Variants in VSTM5 observed in about 807,000 individuals in gnomAD.
The protein encoded by VSTM5 is V-set and transmembrane domain containing 5.
Under a neutral mutation model 20.3 loss-of-function variants are expected in VSTM5, and 21 were observed. The ratio of observed to expected loss-of-function variants is 1.03; its 90% CI spans 0.73 to 1.49. The LOEUF is 1.49. Ranked by LOEUF, VSTM5 falls within the 40% of genes most tolerant of loss-of-function variation. The pLI is 0.00. For synonymous variants in VSTM5, 100 were observed against 102.5 expected (o/e 0.98, Z 0.14); for missense variants, 219 against 250.0 (o/e 0.88, Z 0.84).
chr11:93,844,412 C>T (rs1016198258), intron 1 of VSTM5, among the ~76,000 whole-genome samples: 2 of 152,068 alleles, frequency 1.3e-5, no homozygotes, highest in Admixed American at 6.5e-5. Flanking sequence ...GGACCCACAT[C>T]GCCCTTCTCC....
chr11:93,820,521 G>A lies in VSTM5; in HGVS notation c.*48C>T. 6.5e-7 allele frequency: 1 copy of A among 1,547,962 alleles called. No individual in the cohort carries two copies. Among genetic ancestry groups the A allele is most frequent in the Non-Finnish European group, 8.7e-7 (1 of 1,144,296 alleles). ...ATAGCTGTGCTTGCTCTTTTTGTTG[G>A]AGAATGGTTTCCTCTTGAGGTAGGA... On this transcript the variant is annotated 3_prime_UTR_variant, in exon 4 of 4. Transcript: ENST00000409977.
chr11:93,832,312 A>T (rs1371854462), intron 1 of VSTM5, among the ~76,000 whole-genome samples: 3 of 152,274 alleles, frequency 2.0e-5, no homozygotes, highest in Non-Finnish European at 4.4e-5. Flanking sequence ...CAGTGTATAG[A>T]GAATGATTCC....
At chr11:93,846,764 T>A (rs1701901) in intron 1 of VSTM5, among the ~76,000 whole-genome samples, 4 of 101,604 alleles carry the variant, frequency 3.9e-5, no homozygotes, top group South Asian at 3.8e-4. Context: ...AAATTTTTTT[T>A]AATTTTTTTT....
chr11:93,842,832 C>T (rs1407897686), intron 1 of VSTM5, among the ~76,000 whole-genome samples: 4 of 152,154 alleles, frequency 2.6e-5, no homozygotes, highest in African/African-American at 7.2e-5. Context: ...CCGGGGACAG[C>T]GGCTCATGCC....
chr11:93,821,982 AT>A (rs1201012972), intron 1 of VSTM5: 1 of 152,302 alleles, frequency 6.6e-6, no homozygotes, highest in Non-Finnish European at 1.5e-5. Context: ...GGTTTGAAAA[AT>A]TAGGTACATC....
intron 1 of VSTM5, among the ~76,000 whole-genome samples, chr11:93,832,784 A>T (rs553692530): frequency 2.6e-5 from 4 of 152,208 alleles, no homozygotes; most frequent in Non-Finnish European, 5.9e-5. Context: ...AGGCTCAGAG[A>T]CGTAAGTGTC....
rs373964438 is a variant in VSTM5, at chr11:93,821,145, A to C, written c.270T>G (p.Ser90=). The C allele has an allele frequency of 1.4e-5, 22 of 1,552,118 alleles. No individual in the cohort carries two copies. The highest frequency in any genetic ancestry group is 1.7e-4 in the Middle Eastern group (1 of 5,998). ...TGCAGACTCTGTCCTTGTGGCTTTG[A>C]GAGATGTTGGCCTGAGTCCCTGGTT... The part of the protein sequence containing the change: ...EWKPGTQANI[S]QSHKDRVCTF... The change falls in exon 2 of 4, where the codon TCT becomes TCG. Residue 90 remains serine, a synonymous_variant. Transcript: ENST00000409977.
intron 1 of VSTM5, among the ~76,000 whole-genome samples, chr11:93,822,845 T>C (rs1433427442): frequency 6.6e-6 from 1 of 152,218 alleles, no homozygotes; most frequent in Non-Finnish European, 1.5e-5. Context: ...CTGATTTCTC[T>C]GACCTCAAAT....
chr11:93,820,806 G>C lies in VSTM5; in HGVS notation c.496C>G (p.Leu166Val), dbSNP rs1179657963. The stretch of plus-strand genomic sequence containing the variant: ...GCACACTTATTACAAACCCACATGA[G>C]GCTGATTAATACTGCGGCCACAGCA... ...LAAVAAVLISLMWVCNKCAYK... is the reference protein window; with the variant it reads ...LAAVAAVLISVMWVCNKCAYK... Residue 166 changes from leucine to valine, a missense_variant, in exon 3 of 4, where the codon CTC (leucine) becomes GTC (valine). Physicochemically the swap from Leu to Val is conservative, Grantham distance 32. Transcript: ENST00000409977. 1 of 1,551,296 alleles carries C rather than the reference G, an allele frequency of 6.4e-7. No individual in the cohort carries two copies. The highest frequency in any genetic ancestry group is 2.0e-5 in the Admixed American group (1 of 51,000).
intron 1 of VSTM5, among the ~76,000 whole-genome samples, chr11:93,841,957 AG>A (rs1944373681): frequency 6.6e-6 from 1 of 152,234 alleles, no homozygotes; most frequent in South Asian, 2.1e-4. Flanking sequence ...TAGCTGTGCC[AG>A]TAACAACTGT....
chr11:93,841,131 A>G (rs1944367269), intron 1 of VSTM5, among the ~76,000 whole-genome samples: 1 of 152,284 alleles, frequency 6.6e-6, no homozygotes, highest in East Asian at 1.9e-4. Flanking sequence ...AGTGCCTTAG[A>G]TTGGCCTCTG....
Position 93,827,231 on chromosome 11 carries a change from A to C in VSTM5, c.92-5908T>G, listed in dbSNP as rs552934830. On this transcript the variant is annotated intron_variant, in intron 1 of 3. Transcript: ENST00000409977. ...AAACCCCATCTCTACTAAAAATACAAAATTAGCCAGGCATGGTGGCACATG... is the reference window on the plus strand; with the variant it reads ...AAACCCCATCTCTACTAAAAATACACAATTAGCCAGGCATGGTGGCACATG... Among the ~76,000 whole-genome samples the C allele has an allele frequency of 3.9e-5, 6 of 152,236 alleles. No individual in the cohort carries two copies. The South Asian group carries it at 1.2e-3, about 32-fold the overall frequency.
chr11:93,825,833 A>G (rs950218583), intron 1 of VSTM5, among the ~76,000 whole-genome samples: 5 of 150,922 alleles, frequency 3.3e-5, no homozygotes, highest in East Asian at 1.9e-4. Context: ...CAGTGGTGCA[A>G]TCTTGGCTCA....
At chr11:93,841,233 G>C (rs1037745675) in intron 1 of VSTM5, among the ~76,000 whole-genome samples, 3 of 97,628 alleles carry the variant, frequency 3.1e-5, no homozygotes, top group African/African-American at 6.7e-5. Flanking sequence ...CCAGGTAAGG[G>C]GTAACCAACA....
At position 93,821,228 on chromosome 11, in the gene VSTM5, G is replaced by A. The variant is rs748634515; in HGVS notation, c.187C>T (p.Pro63Ser). The change falls in exon 2 of 4, where the codon CCC becomes TCC. Residue 63 changes from proline to serine, a missense_variant. Pro to Ser is a moderately conservative substitution (Grantham distance 74). Coordinates refer to ENST00000409977, the MANE Select transcript of VSTM5 (RefSeq NM_001144871.2). The part of the protein sequence containing the change: ...LSVEYSCHGV[P>S]TIEWTYSSNW... ...GATGAATATGTCCATTCGATGGTGG[G>A]CACTCCATGACAGGAGTACTCAACT... The A allele has an allele frequency of 7.1e-6, 11 of 1,551,954 alleles. No homozygotes were observed. Among genetic ancestry groups the A allele is most frequent in the Non-Finnish European group, 7.8e-6 (9 of 1,147,068 alleles).
At chr11:93,843,236 A>G (rs1944385347) in intron 1 of VSTM5, among the ~76,000 whole-genome samples, 2 of 152,008 alleles carry the variant, frequency 1.3e-5, no homozygotes, top group Admixed American at 1.3e-4. Flanking sequence ...GCCTTCCCCA[A>G]TCCCTAGCAC....
chr11:93,830,060 G>C (rs1184832392), intron 1 of VSTM5, among the ~76,000 whole-genome samples: 3 of 152,170 alleles, frequency 2.0e-5, no homozygotes, highest in African/African-American at 7.2e-5. Flanking sequence ...AGGAAGGCAG[G>C]AGGGATCCAA....
intron 1 of VSTM5, among the ~76,000 whole-genome samples, chr11:93,837,464 T>C (rs956667860): frequency 2.6e-5 from 4 of 151,972 alleles, no homozygotes; most frequent in African/African-American, 9.7e-5. Flanking sequence ...TGGGGCCACA[T>C]AGGAAAGTAA....
rs145563816 is a variant in VSTM5, at chr11:93,821,191, G to A, written c.224C>T (p.Thr75Met). The A allele has an allele frequency of 9.9e-5, 154 of 1,552,158 alleles. 1 individual carries two copies. In the Middle Eastern group the frequency reaches 2.0e-3, roughly 20 times the overall value. ...TGGTTTCCACTCCACGATCTTCTGC[G>A]TTCCCCAATTGGATGAATATGTCCA... ...IEWTYSSNWG[T>M]QKIVEWKPGT... Residue 75 changes from threonine (T) to methionine (M), a missense_variant, in exon 2 of 4, where the codon ACG becomes ATG. Transcript: ENST00000409977.
Sources: gnomAD v4.1 joint callset for allele counts (sites outside exome capture counted in the v4.1 genomes callset) on GRCh38, gnomAD v4.1.1 for gene constraint, MANE v1.5 for transcripts, NCBI Gene and HGNC (gene_info 2026-07-23, HGNC 2026-07-21) for gene names.